The following SYT12 variants were observed in gnomAD, a reference collection of about 807,000 sequenced individuals.
SYT12 encodes synaptotagmin-12.
SYT12 carries 27 observed loss-of-function variants against 39.5 expected under a neutral mutation model. That is an observed-to-expected ratio of 0.68 (90% confidence interval 0.50 to 0.94). SYT12 has a LOEUF of 0.94. SYT12 is among the 40% of genes least tolerant of loss of function. SYT12 has a pLI of 0.00. For missense variants in SYT12, 536 were observed against 572.6 expected (o/e 0.94, Z 0.65); for synonymous variants, 233 against 239.7 (o/e 0.97, Z 0.26).
intron 4 of SYT12, among the ~76,000 whole-genome samples, chr11:67,042,859 T>C (rs1950539320): frequency 6.6e-6 from 1 of 152,062 alleles, no homozygotes; most frequent in Non-Finnish European, 1.5e-5. Flanking sequence ...CAGAAGAGTG[T>C]GGTCATGGTG....
At chr11:67,009,301 C>G (rs1024557594) in intron 1 of SYT12, among the ~76,000 whole-genome samples, 2 of 152,064 alleles carry the variant, frequency 1.3e-5, no homozygotes, top group African/African-American at 4.8e-5. Flanking sequence ...CCACTGTGCC[C>G]CGACCTTGAT....
At chr11:67,011,351 T>A (rs867458772) in intron 3 of SYT12, among the ~76,000 whole-genome samples, 7 of 152,198 alleles carry the variant, frequency 4.6e-5, no homozygotes, top group Non-Finnish European at 7.3e-5. Context: ...CAAGCAATTC[T>A]CCTACCTCAG....
At chr11:67,020,241 C>A (rs1379867562), upstream of SYT12, among the ~76,000 whole-genome samples, 1 of 152,060 alleles carries the variant, frequency 6.6e-6, no homozygotes, top group Non-Finnish European at 1.5e-5. Context: ...AGCAAAGGGA[C>A]CAGCAAGGGA....
rs117946750 is a variant in SYT12 at position 67,012,657 on chromosome 11, G to A, written c.-69+1663G>A. Among the ~76,000 whole-genome samples, 99 of 152,318 alleles carry A rather than the reference G, an allele frequency of 6.5e-4. 1 individual carries two copies. In the East Asian group the frequency reaches 0.013, roughly 19 times the overall value. ...GCAAAAGAACCTTGAAGTCAGCACTGGGGCTGGTTCTGTGTCCACCTTAAA... is the reference window on the plus strand; with the variant it reads ...GCAAAAGAACCTTGAAGTCAGCACTAGGGCTGGTTCTGTGTCCACCTTAAA... On this transcript the variant is annotated intron_variant, in intron 3 of 10. Transcript: ENST00000393946.
At chr11:67,024,655 A>C (rs1348527341) in intron 1 of SYT12, among the ~76,000 whole-genome samples, 3 of 152,190 alleles carry the variant, frequency 2.0e-5, no homozygotes, top group Non-Finnish European at 4.4e-5. Context: ...AATAAATGCC[A>C]GCCAGCACCT....
At chr11:67,047,230 G>T (rs1854584306) in intron 7 of SYT12, among the ~76,000 whole-genome samples, 2 of 150,758 alleles carry the variant, frequency 1.3e-5, no homozygotes, top group Non-Finnish European at 2.9e-5. Context: ...CTTCCAAAGT[G>T]CTGGGATTAC....
intron 3 of SYT12, among the ~76,000 whole-genome samples, chr11:67,017,456 T>C (rs982948008): frequency 6.6e-6 from 1 of 150,576 alleles, no homozygotes; most frequent in Admixed American, 6.6e-5. Context: ...ACCTCCTGGG[T>C]TCAAGTGATT....
intron 3 of SYT12, among the ~76,000 whole-genome samples, chr11:67,017,943 A>T (rs1042482376): frequency 2.0e-5 from 3 of 151,414 alleles, no homozygotes; most frequent in Non-Finnish European, 4.4e-5. Flanking sequence ...CTGGAGGACA[A>T]GAGTGAGGCT....
At chr11:67,016,513 C>T (rs1232281377) in intron 3 of SYT12, among the ~76,000 whole-genome samples, 1 of 152,156 alleles carries the variant, frequency 6.6e-6, no homozygotes, top group East Asian at 1.9e-4. Context: ...ACTTCTCGGC[C>T]AGTTTACATG....
At chr11:67,013,945 C>T (rs991255515) in intron 3 of SYT12, among the ~76,000 whole-genome samples, 5 of 152,198 alleles carry the variant, frequency 3.3e-5, no homozygotes, top group South Asian at 2.1e-4. Context: ...TCCCAGCTTC[C>T]GGGGGCTGCC....
chr11:67,040,268 A>G, intron 4 of SYT12, 65 bp downstream of exon 4: 1 of 1,520,798 alleles, frequency 6.6e-7, no homozygotes, highest in African/African-American at 1.4e-5. Context: ...CCAGGCAGGC[A>G]TGGCGGTGGG....
rs75543672 is a variant in SYT12 at position 67,045,745 on chromosome 11, C to T, written c.960C>T (p.Asp320=). The change falls in exon 7 of 8, where the codon GAC becomes GAT. Residue 320 remains aspartate (D), a splice_region_variant and synonymous_variant. Transcript: ENST00000527043. ...CCTCACCTGTCCGCCTGCCCACAGACCCCTTCGTCAAGGTGTACCTGCTGC... is the reference window on the plus strand; with the variant it reads ...CCTCACCTGTCCGCCTGCCCACAGATCCCTTCGTCAAGGTGTACCTGCTGC... ...LIWTNDKTTA[D]PFVKVYLLQD... The T allele has an allele frequency of 5.1e-3, 8,233 of 1,613,748 alleles. 30 individuals carry two copies. The highest frequency in any genetic ancestry group is 6.5e-3 in the Non-Finnish European group (7,726 of 1,179,852).
At chr11:67,034,926 C>G in intron 3 of SYT12, 88 bp downstream of exon 3, 1 of 1,014,926 alleles carries the variant, frequency 9.9e-7, no homozygotes, top group East Asian at 3.0e-5. Context: ...CCTCTCCCTC[C>G]GTCACCACCT....
At chr11:67,035,346 T>C (rs887951757) in intron 3 of SYT12, among the ~76,000 whole-genome samples, 1 of 150,416 alleles carries the variant, frequency 6.6e-6, no homozygotes, top group Non-Finnish European at 1.5e-5. Context: ...TTTTTTTTTT[T>C]TCAAAATGCT....
At position 67,040,213 on chromosome 11, in the gene SYT12, G is replaced by T. The variant is rs1362775504; in HGVS notation, c.621+10G>T. On this transcript the variant is annotated intron_variant, in intron 4 of 7. Coordinates refer to ENST00000527043, the MANE Select transcript of SYT12 (RefSeq NM_177963.4). ...CGTGGGCATTTCTCGGGTAAGTGGG[G>T]CTCAGGGCGGGGCAGAAGGGTGCTC... 6.4e-7 allele frequency: 1 copy of T among 1,564,166 alleles called. No homozygotes were observed. Among genetic ancestry groups the T allele is most frequent in the Non-Finnish European group, 8.7e-7 (1 of 1,151,490 alleles).
intron 7 of SYT12, among the ~76,000 whole-genome samples, chr11:67,047,934 C>T (rs1477825002): frequency 6.7e-6 from 1 of 150,070 alleles, no homozygotes; most frequent in Non-Finnish European, 1.5e-5. Flanking sequence ...ACTACAGGTG[C>T]CCGCCACCAG....
At chr11:67,020,581 T>C (rs1035827962), upstream of SYT12, among the ~76,000 whole-genome samples, 2 of 152,064 alleles carry the variant, frequency 1.3e-5, no homozygotes, top group African/African-American at 4.8e-5. Flanking sequence ...CACCCCAGCA[T>C]CCTCCCGTAG....
At chr11:67,043,894 A>G (rs1434503756) in intron 5 of SYT12, 41 bp downstream of exon 5, 4 of 1,571,110 alleles carry the variant, frequency 2.5e-6, no homozygotes, top group African/African-American at 1.4e-5. Context: ...AAGAGCGTGC[A>G]CACACATACA....
At position 67,044,688 on chromosome 11, in the gene SYT12, C is replaced by A; in HGVS notation, c.933C>A (p.Ile311=). ...TVVVVKAKNL[I]WTNDKTTADP... is the part of the protein sequence containing the mutation. ...TCGTGGTTAAGGCCAAGAACCTCAT[C>A]TGGACCAACGACAAGACCACAGCGG... Residue 311 remains isoleucine, a synonymous_variant, in exon 6 of 8, where the codon ATC becomes ATA. Transcript: ENST00000527043. 6.2e-7 allele frequency: 1 copy of A among 1,613,794 alleles called. No individual in the cohort carries two copies. Among genetic ancestry groups the A allele is most frequent in the African/African-American group, 1.3e-5 (1 of 75,060 alleles).
Sources: allele counts gnomAD v4.1 joint callset (sites outside exome capture counted in the v4.1 genomes callset), GRCh38; gene constraint gnomAD v4.1.1; transcripts MANE v1.5; gene names NCBI Gene and HGNC (gene_info 2026-07-23, HGNC 2026-07-21).